Variants in TEX11 observed in about 807,000 individuals in gnomAD.
TEX11 encodes testis expressed 11, also known as testis-expressed protein 11.
TEX11 carries 7 observed loss-of-function variants against 84.4 expected under a neutral mutation model. That is an observed-to-expected ratio of 0.08 (90% CI 0.05 to 0.16). TEX11 has a LOEUF of 0.16. Among genes scored for constraint, TEX11 ranks in the 10% least tolerant of loss-of-function variants. TEX11 has a pLI of 1.00. For missense variants in TEX11, 551 were observed against 660.5 expected (o/e 0.83, Z 1.82); for synonymous variants, 264 against 222.8 (o/e 1.18, Z -1.64).
intron 13 of TEX11, among the ~76,000 whole-genome samples, chrX:70,702,323 C>A (rs1490495095): frequency 8.9e-6 from 1 of 111,973 alleles, no homozygotes; most frequent in Non-Finnish European, 1.9e-5. Context: ...CCTTCATTAG[C>A]ACAAAGATTA....
chrX:70,626,189 A>G (rs973963227), intron 18 of TEX11, among the ~76,000 whole-genome samples: 2 of 111,267 alleles, frequency 1.8e-5, no homozygotes, highest in Non-Finnish European at 3.8e-5. Flanking sequence ...AACAATTGCA[A>G]TCATTTCACA....
chrX:70,603,863 A>C (rs1487308625), intron 24 of TEX11, among the ~76,000 whole-genome samples: 2 of 91,710 alleles, frequency 2.2e-5, no homozygotes, highest in Non-Finnish European at 4.3e-5. Context: ...CAAGAAAAAA[A>C]CAAACAACCC....
chrX:70,599,961 A>T (rs1220921872), intron 24 of TEX11, among the ~76,000 whole-genome samples: 1 of 110,229 alleles, frequency 9.1e-6, no homozygotes, highest in East Asian at 2.9e-4. Context: ...GCTATTGTGA[A>T]TAATGCCTCA....
intron 13 of TEX11, among the ~76,000 whole-genome samples, chrX:70,717,131 C>G (rs1283217886): frequency 2.8e-5 from 3 of 106,669 alleles, no homozygotes; most frequent in Non-Finnish European, 3.9e-5. Flanking sequence ...ATTGTCTGCT[C>G]TCTGTCTCCT....
At chrX:70,808,198 T>A (rs1194571370) in intron 8 of TEX11, among the ~76,000 whole-genome samples, 1 of 96,723 alleles carries the variant, frequency 1.0e-5, no homozygotes, top group Non-Finnish European at 2.0e-5. Context: ...CTATGGTCAA[T>A]AATAATTTAA....
chrX:70,695,556 A>G (rs2090273061), intron 13 of TEX11, among the ~76,000 whole-genome samples: 1 of 112,164 alleles, frequency 8.9e-6, no homozygotes, highest in African/African-American at 3.2e-5. Flanking sequence ...TGGGTTCATA[A>G]GTATGTATGT....
intron 25 of TEX11, among the ~76,000 whole-genome samples, chrX:70,568,411 A>G (rs952559561): frequency 1.0e-4 from 11 of 110,093 alleles, no homozygotes; most frequent in Admixed American, 1.9e-4. Context: ...TTACAATTAA[A>G]GTTAATATTG....
the TEX11 span, among the ~76,000 whole-genome samples, chrX:70,523,533 G>A: frequency 2.8e-4 from 31 of 110,883 alleles, no homozygotes; most frequent in South Asian, 0.01. Context: ...GCGCGATCTC[G>A]GCTCACTGCA....
At chrX:70,866,219 C>T (rs896416150) in intron 4 of TEX11, among the ~76,000 whole-genome samples, 2 of 111,228 alleles carry the variant, frequency 1.8e-5, no homozygotes, top group African/African-American at 6.5e-5. Context: ...CACCACTGAT[C>T]CCACAGAAAT....
chrX:70,513,682 T>C, the TEX11 span, among the ~76,000 whole-genome samples: 1 of 106,560 alleles, frequency 9.4e-6, no homozygotes, highest in Non-Finnish European at 1.9e-5. Context: ...AATTTTAGAA[T>C]AGGATTTGTT....
chrX:70,787,114 A>G (rs1194836634), intron 9 of TEX11, among the ~76,000 whole-genome samples: 1 of 111,970 alleles, frequency 8.9e-6, no homozygotes, highest in Non-Finnish European at 1.9e-5. Flanking sequence ...AGCCTGGGCA[A>G]CAAAAGCAAA....
intron 25 of TEX11, 28 bp downstream of exon 25, chrX:70,591,723 G>A (rs2088933580): frequency 2.6e-6 from 3 of 1,140,695 alleles, no homozygotes; most frequent in Non-Finnish European, 3.6e-6. Flanking sequence ...TTCAAACTGT[G>A]TTACCAAACT....
chrX:70,771,877 G>C (rs1007829406), intron 9 of TEX11, among the ~76,000 whole-genome samples: 2 of 111,648 alleles, frequency 1.8e-5, no homozygotes, highest in Admixed American at 9.6e-5. Flanking sequence ...CTTGCCTCAT[G>C]AACCCAGCCT....
chrX:70,748,853 G>GCA (rs1381565102), intron 9 of TEX11, among the ~76,000 whole-genome samples: 1 of 97,408 alleles, frequency 1.0e-5, no homozygotes, highest in Non-Finnish European at 2.0e-5. Context: ...GTCAGGTAGT[G>GCA]TGATGCCTCC....
Position 70,670,638 on chromosome X carries a change from C to CT in TEX11, c.1243-125dup, listed in dbSNP as rs2090014316. The CT allele has an allele frequency of 3.9e-6, 3 of 762,468 alleles. No homozygotes were observed. The East Asian group carries it at 1.1e-4, about 28-fold the overall frequency. The allele number at this position is 762,468 out of a possible 1,213,427, so 62.8% of individuals were successfully genotyped here. On this transcript the variant is annotated intron_variant, in intron 15 of 29. Coordinates refer to ENST00000374333, the MANE Select transcript of TEX11 (RefSeq NM_031276.3). ...TTTTAGGCAATCAAAACACAATATC[C>CT]TTTATATAGGGTTCTAAGTGCATTT...
intron 17 of TEX11, among the ~76,000 whole-genome samples, chrX:70,635,155 A>T (rs2089556275): frequency 8.9e-6 from 1 of 112,149 alleles, no homozygotes; most frequent in Non-Finnish European, 1.9e-5. Flanking sequence ...GCTGTGGCAC[A>T]GAAATAGAAA....
At chrX:70,777,563 T>C (rs1272233563) in intron 9 of TEX11, among the ~76,000 whole-genome samples, 1 of 111,769 alleles carries the variant, frequency 8.9e-6, no homozygotes, top group Non-Finnish European at 1.9e-5. Flanking sequence ...GCAGGAGAAT[T>C]ACTTGAACCC....
intron 28 of TEX11, among the ~76,000 whole-genome samples, chrX:70,547,305 G>A (rs1272430453): frequency 9.0e-6 from 1 of 111,031 alleles, no homozygotes; most frequent in South Asian, 3.9e-4. Flanking sequence ...GATTGTGGGA[G>A]GAAGGACGGA....
At chrX:70,899,965 A>G (rs866267843) in intron 2 of TEX11, among the ~76,000 whole-genome samples, 10 of 101,025 alleles carry the variant, frequency 9.9e-5, no homozygotes, top group Admixed American at 4.4e-4. Flanking sequence ...CATGTTGGCC[A>G]GAACAGCCTG....
Sources: gnomAD v4.1 joint callset for allele counts (sites outside exome capture counted in the v4.1 genomes callset) on GRCh38, gnomAD v4.1.1 for gene constraint, MANE v1.5 for transcripts, NCBI Gene and HGNC (gene_info 2026-07-23, HGNC 2026-07-21) for gene names.